The following GPRASP1 variants were observed in gnomAD, a reference collection of about 807,000 sequenced individuals.
GPRASP1 encodes the protein G protein-coupled receptor associated sorting protein 1.
In GPRASP1, 28 loss-of-function variants were observed where a neutral mutation model predicts 68.4. The ratio of observed to expected loss-of-function variants is 0.41; its 90% CI spans 0.30 to 0.56. GPRASP1 has a LOEUF of 0.56. Among genes scored for constraint, GPRASP1 ranks in the 20% least tolerant of loss-of-function variants. The pLI, the probability that GPRASP1 is intolerant of heterozygous loss-of-function variation, is 0.29. For missense variants in GPRASP1, 913 were observed against 1,031.5 expected (o/e 0.89, Z 1.57); for synonymous variants, 304 against 358.2 (o/e 0.85, Z 1.71).
At chrX:102,652,737 A>G (rs2081367639) in intron 3 of GPRASP1, 94 bp from the exon 4 acceptor site, 1 of 112,866 alleles carries the variant, frequency 8.9e-6, no homozygotes. Flanking sequence ...TATCAATAAT[A>G]TGGGGATTCT....
Position 102,656,809 on chromosome X carries a change from G to A in GPRASP1, c.2896G>A (p.Gly966Arg). The A allele has an allele frequency of 8.3e-7, 1 of 1,211,286 alleles. No homozygotes were observed. The highest frequency in any genetic ancestry group is 1.1e-6 in the Non-Finnish European group (1 of 895,132). The part of the protein sequence containing the change: ...TCESKPENEE[G>R]AIVGSWFEAE... Reference sequence around the variant, plus strand: ...TGAGTCCAAGCCAGAAAATGAGGAAGGGGCCATTGTTGGGTCTTGGTTTGA... The same window carrying A: ...TGAGTCCAAGCCAGAAAATGAGGAAAGGGCCATTGTTGGGTCTTGGTTTGA... The change falls in exon 6 of 6, where the codon GGG becomes AGG. Residue 966 changes from glycine to arginine, a missense_variant. Gly to Arg is a moderately radical substitution (Grantham distance 125, BLOSUM62 -2). Transcript: ENST00000537097.
In GPRASP1 at chrX:102,655,678, C is replaced by A. The variant is rs1410220542; in HGVS notation, c.1765C>A (p.Gln589Lys). The A allele has an allele frequency of 8.3e-7, 1 of 1,210,728 alleles. No individual in the cohort carries two copies. Among genetic ancestry groups the A allele is most frequent in the Non-Finnish European group, 1.1e-6 (1 of 895,024 alleles). The change falls in exon 6 of 6, where the codon CAG (glutamine) becomes AAG (lysine). Residue 589 changes from glutamine to lysine, a missense_variant. Physicochemically the swap from Gln to Lys is moderately conservative, Grantham distance 53. Transcript: ENST00000537097. ...IFGSWFWAENQTYMDCRAETS... is the reference protein window; with the variant it reads ...IFGSWFWAENKTYMDCRAETS... ...CGGGTCCTGGTTTTGGGCTGAAAAC[C>A]AGACCTATATGGATTGTAGGGCTGA...
In GPRASP1 at chrX:102,656,819, T is replaced by C. The variant is rs1388498067; in HGVS notation, c.2906T>C (p.Val969Ala). 14 of 1,208,973 alleles carry C rather than the reference T, an allele frequency of 1.2e-5. No individual in the cohort carries two copies. Among genetic ancestry groups the C allele is most frequent in the African/African-American group, 1.8e-5 (1 of 56,890 alleles). The change falls in exon 6 of 6, where the codon GTT becomes GCT. Residue 969 changes from valine to alanine, a missense_variant. Coordinates refer to ENST00000537097, the MANE Select transcript of GPRASP1 (RefSeq NM_001184727.2). ...CCAGAAAATGAGGAAGGGGCCATTG[T>C]TGGGTCTTGGTTTGAGGCTGAAGAT... ...SKPENEEGAIVGSWFEAEDEV... is the reference protein window; with the variant it reads ...SKPENEEGAIAGSWFEAEDEV...
chrX:102,654,994 G>A lies in GPRASP1; in HGVS notation c.1081G>A (p.Glu361Lys), dbSNP rs2081394455. The A allele has an allele frequency of 1.7e-6, 2 of 1,211,611 alleles. No individual in the cohort carries two copies. Among genetic ancestry groups the A allele is most frequent in the African/African-American group, 3.5e-5 (2 of 57,936 alleles). ...AAAAGAGTCCTGTTTCTGGCCTGAA[G>A]AAAATGCTAATACCTTTTCAAGGCC... The part of the protein sequence containing the change: ...IKKESCFWPE[E>K]NANTFSRPMI... Residue 361 changes from glutamate (E) to lysine (K), a missense_variant, in exon 6 of 6, where the codon GAA (glutamate) becomes AAA (lysine). Transcript: ENST00000537097.
In GPRASP1 at chrX:102,653,421, T is replaced by G. The variant is rs141021595; in HGVS notation, c.-335+123T>G. On this transcript the variant is annotated intron_variant, in intron 5 of 5. Coordinates refer to ENST00000537097, the MANE Select transcript of GPRASP1 (RefSeq NM_001184727.2). ...CCATTGCCGACACACTTTCCCACCATTGTTGGACCTGTTTAATAGGAGGCA... is the reference window on the plus strand; with the variant it reads ...CCATTGCCGACACACTTTCCCACCAGTGTTGGACCTGTTTAATAGGAGGCA... The G allele has an allele frequency of 8.9e-3, 1,030 of 115,522 alleles. 8 individuals carry two copies. Among genetic ancestry groups the G allele is most frequent in the Non-Finnish European group, 0.015 (838 of 55,436 alleles). The allele number at this position is 115,522 out of a possible 1,213,427, so 9.5% of individuals were successfully genotyped here.
rs1476511579 is a variant in GPRASP1, at chrX:102,657,996, T to C, written c.4083T>C (p.Asn1361=). The C allele has an allele frequency of 8.4e-7, 1 of 1,194,226 alleles. No homozygotes were observed. The highest frequency in any genetic ancestry group is 1.1e-6 in the Non-Finnish European group (1 of 879,996). Residue 1361 remains asparagine, a synonymous_variant, in exon 6 of 6, where the codon AAT becomes AAC. Coordinates refer to ENST00000537097, the MANE Select transcript of GPRASP1 (RefSeq NM_001184727.2). ...CAGTGTTCTCTGATGATGATTTCAA[T>C]ATTGAGCCGCTTATTTCTGCATTCC... ...KETVFSDDDF[N]IEPLISAFHK...
rs886179649 is a variant in GPRASP1 at position 102,657,319 on chromosome X, G to A, written c.3406G>A (p.Glu1136Lys). ...GCATCTTAGGGCCAAGGAGAGTACA[G>A]AGCCTGAGAGTTCATCCTGTAACTG... is the stretch of plus-strand genomic sequence containing the variant. ...REHLRAKEST[E>K]PESSSCNCIQ... The change falls in exon 6 of 6, where the codon GAG becomes AAG. Residue 1136 changes from glutamate to lysine, a missense_variant. Glu to Lys is a moderately conservative substitution (Grantham distance 56). Coordinates refer to ENST00000537097, the MANE Select transcript of GPRASP1 (RefSeq NM_001184727.2). 1.7e-6 allele frequency: 2 copies of A among 1,209,447 alleles called. No homozygotes were observed. The highest frequency in any genetic ancestry group is 2.2e-6 in the Non-Finnish European group (2 of 894,896).
rs757370797 is a variant in GPRASP1, at chrX:102,654,871, A to G, written c.958A>G (p.Lys320Glu). ...TGGAAAGGAGGCCAAATTCAGGTCC[A>G]AAATGAGAGCTGGGAAGGAGGCCAA... ...GAGKEAKFRS[K>E]MRAGKEANNR... Residue 320 changes from lysine to glutamate, a missense_variant, in exon 6 of 6, where the codon AAA becomes GAA. Transcript: ENST00000537097. The G allele has an allele frequency of 8.3e-7, 1 of 1,212,016 alleles. No individual in the cohort carries two copies. The highest frequency in any genetic ancestry group is 1.7e-5 in the African/African-American group (1 of 57,992).
chrX:102,652,102 T>G (rs2081359743), intron 2 of GPRASP1, 73 bp from the exon 3 acceptor site: 1 of 112,846 alleles, frequency 8.9e-6, no homozygotes, highest in African/African-American at 3.2e-5. Flanking sequence ...AAGGGGCCTG[T>G]GGGGCCCCGT....
In GPRASP1 at chrX:102,657,190, C is replaced by T. The variant is rs2235804; in HGVS notation, c.3277C>T (p.Pro1093Ser). ...CAAACCCAGGAACATGGTACTTAGC[C>T]CAGAAGGGGAAGATCAGGAATCTTT... is the stretch of plus-strand genomic sequence containing the variant. The part of the protein sequence containing the change: ...GGKPRNMVLS[P>S]EGEDQESLLQ... Residue 1093 changes from proline (P) to serine (S), a missense_variant, in exon 6 of 6, where the codon CCA becomes TCA. Transcript: ENST00000537097. 40,821 of 1,208,690 alleles carry T rather than the reference C, an allele frequency of 0.034. 2,405 individuals carry two copies. Among genetic ancestry groups the T allele is most frequent in the South Asian group, 0.28 (15,674 of 56,714 alleles).
rs145919973 is a variant in GPRASP1 at position 102,656,245 on chromosome X, A to G, written c.2332A>G (p.Ile778Val). The part of the protein sequence containing the change: ...ESRPEAEEGD[I>V]IGSWFWAGEE... ...CAGGCCAGAAGCTGAGGAGGGGGAC[A>G]TTATTGGTTCTTGGTTCTGGGCTGG... The change falls in exon 6 of 6, where the codon ATT (isoleucine) becomes GTT (valine). Residue 778 changes from isoleucine (I) to valine (V), a missense_variant. Transcript: ENST00000537097. 1.2e-5 allele frequency: 15 copies of G among 1,209,585 alleles called. No homozygotes were observed. In the African/African-American group the frequency reaches 2.5e-4, roughly 20 times the overall value.
In GPRASP1 at chrX:102,657,669, G is replaced by C. The variant is rs142372042; in HGVS notation, c.3756G>C (p.Pro1252=). ...CCCTTGCTTATAGCGTGGATTCCCC[G>C]GAACAGCTGTCTGGAATAAGGATGA... ...EETLAYSVDS[P]EQLSGIRMIR... is the part of the protein sequence containing the mutation. Residue 1252 remains proline (P), a synonymous_variant, in exon 6 of 6, where the codon CCG becomes CCC. Coordinates refer to ENST00000537097, the MANE Select transcript of GPRASP1 (RefSeq NM_001184727.2). 1 of 1,209,503 alleles carries C rather than the reference G, an allele frequency of 8.3e-7. No individual in the cohort carries two copies. Among genetic ancestry groups the C allele is most frequent in the African/African-American group, 1.7e-5 (1 of 57,206 alleles).
Position 102,651,707 on chromosome X carries a change from C to A in GPRASP1, c.-598C>A, listed in dbSNP as rs768787476. 1 of 112,093 alleles carries A rather than the reference C, an allele frequency of 8.9e-6. No homozygotes were observed. The highest frequency in any genetic ancestry group is 3.7e-4 in the South Asian group (1 of 2,673). The allele number at this position is 112,093 out of a possible 1,213,427, so 9.2% of individuals were successfully genotyped here. A position where few individuals can be genotyped will look rare whatever the true frequency, so the allele number is the denominator to read the frequency against. On this transcript the variant is annotated 5_prime_UTR_variant, in exon 2 of 6. Coordinates refer to ENST00000537097, the MANE Select transcript of GPRASP1 (RefSeq NM_001184727.2). ...GACAGCCTGGCAACGAGGAGACGAT[C>A]CGTTCGGAGCCGGGCGCTAGAGAGA...
rs1249817447 is a variant in GPRASP1 at position 102,654,164 on chromosome X, C to G, written c.251C>G (p.Pro84Arg). ...CCTAAGAGTAAGGCCAAGGCAATAC[C>G]TGTTTCACGATTTAAGGAAGAAGCC... ...ARPKSKAKAIPVSRFKEEAQM... is the reference protein window; with the variant it reads ...ARPKSKAKAIRVSRFKEEAQM... The change falls in exon 6 of 6, where the codon CCT becomes CGT. Residue 84 changes from proline (P) to arginine (R), a missense_variant. By Grantham distance (103) the Pro-to-Arg change is moderately radical (BLOSUM62 -2). Coordinates refer to ENST00000537097, the MANE Select transcript of GPRASP1 (RefSeq NM_001184727.2). The G allele has an allele frequency of 8.3e-7, 1 of 1,211,021 alleles. No individual in the cohort carries two copies.
Position 102,656,159 on chromosome X carries a change from T to A in GPRASP1, c.2246T>A (p.Ile749Asn), listed in dbSNP as rs763659784. ...TTACTGACTGAAGAGGAGACCATAA[T>A]CAATTCCTGGTTCTGGAAAGAAGAT... The part of the protein sequence containing the change: ...AKLLTEEETI[I>N]NSWFWKEDEA... Residue 749 changes from isoleucine to asparagine, a missense_variant, in exon 6 of 6, where the codon ATC becomes AAC. By Grantham distance (149) the Ile-to-Asn change is moderately radical. Transcript: ENST00000537097. 4.1e-6 allele frequency: 5 copies of A among 1,210,600 alleles called. No individual in the cohort carries two copies. In the South Asian group the frequency reaches 8.8e-5, roughly 21 times the overall value.
At position 102,656,852 on chromosome X, in the gene GPRASP1, A is replaced by G. The variant is rs139592586; in HGVS notation, c.2939A>G (p.Asp980Gly). 5.5e-5 allele frequency: 67 copies of G among 1,208,945 alleles called. No individual in the cohort carries two copies. Among genetic ancestry groups the G allele is most frequent in the Non-Finnish European group, 7.0e-5 (63 of 894,795 alleles). The change falls in exon 6 of 6, where the codon GAT becomes GGT. Residue 980 changes from aspartate (D) to glycine (G), a missense_variant. Coordinates refer to ENST00000537097, the MANE Select transcript of GPRASP1 (RefSeq NM_001184727.2). ...TGGTTTGAGGCTGAAGATGAGGTAG[A>G]TAACAGGACTGACAATGGAAGCAAC... is the stretch of plus-strand genomic sequence containing the variant. ...GSWFEAEDEV[D>G]NRTDNGSNCG...
At position 102,657,743 on chromosome X, in the gene GPRASP1, A is replaced by C. The variant is rs370978046; in HGVS notation, c.3830A>C (p.Tyr1277Ser). Residue 1277 changes from tyrosine to serine, a missense_variant, in exon 6 of 6, where the codon TAT (tyrosine) becomes TCT (serine). By Grantham distance (144) the Tyr-to-Ser change is moderately radical. Coordinates refer to ENST00000537097, the MANE Select transcript of GPRASP1 (RefSeq NM_001184727.2). The part of the protein sequence containing the change: ...TTDYHTLVAN[Y>S]MSGFLSLLAT... ...GACTATCACACACTGGTTGCCAATTATATGTCTGGGTTTCTCTCCTTATTA... is the reference window on the plus strand; with the variant it reads ...GACTATCACACACTGGTTGCCAATTCTATGTCTGGGTTTCTCTCCTTATTA... 1 of 1,202,759 alleles carries C rather than the reference A, an allele frequency of 8.3e-7. No homozygotes were observed. The highest frequency in any genetic ancestry group is 2.2e-5 in the Admixed American group (1 of 45,761).
At position 102,656,299 on chromosome X, in the gene GPRASP1, GAGACT is replaced by G. The variant is rs2081411220; in HGVS notation, c.2390_2394del (p.Thr797ArgfsTer8). On this transcript the variant is annotated frameshift_variant, in exon 6 of 6. Transcript: ENST00000537097. LOFTEE classifies it high-confidence loss of function. Reference sequence around the variant, plus strand: ...AGAGGACAGACTAGAGCCAGCTGCTGAGACTAGAGAAGAAGACAGGCTAGCAGCTG... The same window carrying G: ...AGAGGACAGACTAGAGCCAGCTGCTGAGAGAAGAAGACAGGCTAGCAGCTG... The G allele has an allele frequency of 8.4e-7, 1 of 1,196,566 alleles. No homozygotes were observed. The highest frequency in any genetic ancestry group is 1.8e-5 in the African/African-American group (1 of 56,365).
chrX:102,655,445 A>G lies in GPRASP1; in HGVS notation c.1532A>G (p.Glu511Gly). ...TGGGCTGGTGAAGAGGTCAACCAAGAGGCTGAGGAAGAGACCATTTTTGGG... is the reference window on the plus strand; with the variant it reads ...TGGGCTGGTGAAGAGGTCAACCAAGGGGCTGAGGAAGAGACCATTTTTGGG... ...WFWAGEEVNQ[E>G]AEEETIFGSW... The change falls in exon 6 of 6, where the codon GAG (glutamate) becomes GGG (glycine). Residue 511 changes from glutamate to glycine, a missense_variant. Transcript: ENST00000537097. 5.8e-6 allele frequency: 7 copies of G among 1,211,196 alleles called. No individual in the cohort carries two copies. Among genetic ancestry groups the G allele is most frequent in the Non-Finnish European group, 7.8e-6 (7 of 895,126 alleles).
Sources: gnomAD v4.1 joint callset for allele counts on GRCh38, gnomAD v4.1.1 for gene constraint, MANE v1.5 for transcripts, NCBI Gene and HGNC (gene_info 2026-07-23, HGNC 2026-07-21) for gene names.